SOX5: variants seen among roughly 807,000 people sequenced by gnomAD.
SOX5 encodes the protein transcription factor SOX-5.
A neutral mutation model predicts 92.0 loss-of-function variants in SOX5; 9 were observed. That is an observed-to-expected ratio of 0.10 (90% confidence interval 0.06 to 0.17). The LOEUF (loss-of-function observed/expected upper bound fraction) is 0.17, where lower values mean the gene tolerates loss of function less well. SOX5 is among the 10% of genes least tolerant of loss of function. The pLI, the probability that SOX5 is intolerant of heterozygous loss-of-function variation, is 1.00. For synonymous variants in SOX5, 344 were observed against 336.3 expected (o/e 1.02, Z -0.25); for missense variants, 642 against 944.5 (o/e 0.68, Z 4.20).
At chr12:23,942,837 G>T (rs1265862254) in intron 1 of SOX5, among the ~76,000 whole-genome samples, 1 of 151,994 alleles carries the variant, frequency 6.6e-6, no homozygotes, top group African/African-American at 2.4e-5. Flanking sequence ...AAATATTAAA[G>T]TGGAGCTACA....
At chr12:23,667,382 T>C (rs2083986519) in intron 6 of SOX5, among the ~76,000 whole-genome samples, 1 of 152,210 alleles carries the variant, frequency 6.6e-6, no homozygotes, top group Admixed American at 6.6e-5. Flanking sequence ...TCTGGAGCTT[T>C]TATTAAATCT....
At chr12:23,840,671 A>C (rs1291161282) in intron 3 of SOX5, among the ~76,000 whole-genome samples, 1 of 152,176 alleles carries the variant, frequency 6.6e-6, no homozygotes, top group African/African-American at 2.4e-5. Context: ...GGGCAGAAAC[A>C]GATCCACACA....
upstream of SOX5, chr12:23,950,725 A>G (rs1945479688): frequency 1.5e-5 from 11 of 736,254 alleles, no homozygotes; most frequent in Non-Finnish European, 2.3e-5. Context: ...GGCTTTACAG[A>G]TTCTAAGCTG....
intron 2 of SOX5, among the ~76,000 whole-genome samples, chr12:24,288,946 T>A (rs1430604449): frequency 6.6e-6 from 1 of 152,220 alleles, no homozygotes; most frequent in Non-Finnish European, 1.5e-5. Context: ...ATGGGAGGTA[T>A]CTTTCTTGCT....
intron 7 of SOX5, among the ~76,000 whole-genome samples, chr12:23,642,741 T>A (rs1376503175): frequency 6.6e-6 from 1 of 151,898 alleles, no homozygotes; most frequent in Non-Finnish European, 1.5e-5. Context: ...ATCACTTGGG[T>A]GGGAGGTTGA....
intron 3 of SOX5, among the ~76,000 whole-genome samples, chr12:23,792,943 C>A (rs2095502847): frequency 6.6e-6 from 1 of 152,016 alleles, no homozygotes; most frequent in African/African-American, 2.4e-5. Context: ...GTAAAACTGG[C>A]TAATATTATA....
intron 4 of SOX5, among the ~76,000 whole-genome samples, chr12:24,067,734 G>T (rs977677647): frequency 3.3e-5 from 5 of 152,012 alleles, no homozygotes; most frequent in South Asian, 2.1e-4. Flanking sequence ...AATACTTAAC[G>T]CAATCAGTAA....
intron 6 of SOX5, among the ~76,000 whole-genome samples, chr12:23,719,798 A>AAAC (rs2092708441): frequency 1.3e-5 from 2 of 148,876 alleles, no homozygotes; most frequent in South Asian, 4.2e-4. Context: ...CAAAAAAAAA[A>AAAC]AAAAAAAAAA....
At chr12:23,686,589 T>C (rs563927447) in intron 6 of SOX5, among the ~76,000 whole-genome samples, 1 of 152,292 alleles carries the variant, frequency 6.6e-6, no homozygotes, top group East Asian at 1.9e-4. Context: ...GGTTCAAATA[T>C]CAATTGCTTT....
chr12:24,033,821 G>C (rs1183346351), intron 4 of SOX5, among the ~76,000 whole-genome samples: 3 of 152,018 alleles, frequency 2.0e-5, no homozygotes, highest in Non-Finnish European at 4.4e-5. Flanking sequence ...TATAAAAGAA[G>C]ACACAATGCT....
chr12:23,969,849 T>C (rs202228626), intron 4 of SOX5, among the ~76,000 whole-genome samples: 1 of 152,180 alleles, frequency 6.6e-6, no homozygotes, highest in East Asian at 1.9e-4. Context: ...GTGGGTATGA[T>C]TCAGGATTGC....
chr12:24,529,351 T>C (rs1385686477), intron 1 of SOX5, among the ~76,000 whole-genome samples: 1 of 152,214 alleles, frequency 6.6e-6, no homozygotes. Context: ...TAAAATAAAT[T>C]TGTCTGTAGT....
chr12:23,974,273 A>G (rs1487894578), intron 4 of SOX5, among the ~76,000 whole-genome samples: 1 of 152,202 alleles, frequency 6.6e-6, no homozygotes, highest in African/African-American at 2.4e-5. Flanking sequence ...ATCTGTTGAT[A>G]GACAATTAGG....
intron 3 of SOX5, among the ~76,000 whole-genome samples, chr12:23,832,646 C>A (rs1426038529): frequency 6.6e-6 from 1 of 151,892 alleles, no homozygotes; most frequent in African/African-American, 2.4e-5. Context: ...CATTTGTCTC[C>A]TTCAACAATC....
chr12:23,677,598 T>C (rs903888985), intron 6 of SOX5, among the ~76,000 whole-genome samples: 14 of 152,180 alleles, frequency 9.2e-5, no homozygotes, highest in African/African-American at 2.9e-4. Context: ...ACCTTTTTAT[T>C]AAAAATTCAA....
At chr12:24,067,181 A>C (rs1332766447) in intron 4 of SOX5, among the ~76,000 whole-genome samples, 1 of 152,186 alleles carries the variant, frequency 6.6e-6, no homozygotes, top group African/African-American at 2.4e-5. Context: ...AATGAATGCC[A>C]GTGGAGGCTA....
chr12:24,440,452 C>T (rs1330910126), intron 1 of SOX5, among the ~76,000 whole-genome samples: 9 of 152,076 alleles, frequency 5.9e-5, no homozygotes, highest in African/African-American at 1.7e-4. Context: ...TCATTCCATG[C>T]GTCCCTGTTT....
chr12:23,728,568 G>A (rs1029316819), intron 6 of SOX5, among the ~76,000 whole-genome samples: 1 of 152,068 alleles, frequency 6.6e-6, no homozygotes, highest in Non-Finnish European at 1.5e-5. Context: ...TTCCTTCTGC[G>A]TAATAATTTT....
intron 7 of SOX5, among the ~76,000 whole-genome samples, chr12:23,651,913 T>C (rs2081616529): frequency 1.3e-5 from 2 of 151,968 alleles, no homozygotes; most frequent in African/African-American, 2.4e-5. Flanking sequence ...AGGCTGATTA[T>C]GGTCTATCGA....
Sources: allele counts gnomAD v4.1 joint callset (sites outside exome capture counted in the v4.1 genomes callset), GRCh38; gene constraint gnomAD v4.1.1; transcripts MANE v1.5; gene names NCBI Gene and HGNC (gene_info 2026-07-23, HGNC 2026-07-21).